DGKB: variants seen among roughly 807,000 people sequenced by gnomAD.
DGKB encodes diacylglycerol kinase beta, also known as 90 kDa diacylglycerol kinase.
DGKB carries 67 observed loss-of-function variants against 114.3 expected under a neutral mutation model. The ratio of observed to expected loss-of-function variants is 0.59; its 90% CI spans 0.48 to 0.72. The LOEUF is 0.72. Among genes scored for constraint, DGKB ranks in the 30% least tolerant of loss-of-function variants. The pLI is 0.00. For synonymous variants in DGKB, 398 were observed against 323.1 expected, an observed-to-expected ratio of 1.23 and a Z score of -2.49; for missense variants, 907 against 975.2, an observed-to-expected ratio of 0.93 and a Z score of 0.93.
intron 20 of DGKB, among the ~76,000 whole-genome samples, chr7:14,565,108 T>C (rs1274941591): frequency 1.3e-5 from 2 of 152,196 alleles, no homozygotes; most frequent in South Asian, 2.1e-4. Flanking sequence ...CTTTGGCTAA[T>C]GACACATTAG....
At chr7:14,248,339 T>C (rs984812827) in intron 23 of DGKB, among the ~76,000 whole-genome samples, 1 of 152,248 alleles carries the variant, frequency 6.6e-6, no homozygotes, top group South Asian at 2.1e-4. Flanking sequence ...TTGGGGTCTT[T>C]TGTTGTTCCA....
At position 14,378,685 on chromosome 7, in the gene DGKB, T is replaced by C. The variant is rs567583400; in HGVS notation, c.1836-33294A>G. The stretch of plus-strand genomic sequence containing the variant: ...GACATCAAATGCCTCAGCCTATATA[T>C]GTTTCTGTGTAAAACACTCAGAATT... On this transcript the variant is annotated intron_variant, in intron 21 of 25. Coordinates refer to ENST00000402815, the MANE Select transcript of DGKB (RefSeq NM_001350709.2). 3.3e-5 allele frequency among the ~76,000 whole-genome samples: 5 copies of C among 152,248 alleles called. No homozygotes were observed. In the South Asian group the frequency reaches 6.2e-4, roughly 19 times the overall value.
At chr7:14,318,340 T>C (rs1807028872) in intron 23 of DGKB, among the ~76,000 whole-genome samples, 1 of 150,958 alleles carries the variant, frequency 6.6e-6, no homozygotes, top group South Asian at 2.1e-4. Context: ...ACCATCAGAG[T>C]GAACAGGCAA....
intron 21 of DGKB, among the ~76,000 whole-genome samples, chr7:14,468,826 C>G (rs1780862310): frequency 6.6e-6 from 1 of 151,806 alleles, no homozygotes; most frequent in Admixed American, 6.6e-5. Flanking sequence ...AATCTTGTTT[C>G]TTTATTTGTT....
At chr7:14,934,007 A>T (rs1043666589) in intron 1 of DGKB, among the ~76,000 whole-genome samples, 1 of 152,166 alleles carries the variant, frequency 6.6e-6, no homozygotes, top group Admixed American at 6.6e-5. Context: ...ACAATCTGTC[A>T]GTGAAAAATT....
intron 21 of DGKB, among the ~76,000 whole-genome samples, chr7:14,392,995 G>GTTTTTCTTTTTTTTTTTTTTTTT: frequency 1.7e-5 from 1 of 60,546 alleles, no homozygotes; most frequent in East Asian, 5.3e-4. Flanking sequence ...TTTTGTTTTT[G>GTTTTTCTTTTTTTTTTTTTTTTT]TTTTTTTTTT....
At chr7:14,595,029 G>C (rs993528098) in intron 17 of DGKB, among the ~76,000 whole-genome samples, 1 of 152,186 alleles carries the variant, frequency 6.6e-6, no homozygotes, top group African/African-American at 2.4e-5. Context: ...ACACAGTTCA[G>C]GTCACTATAA....
chr7:14,562,258 A>C (rs746108400), intron 20 of DGKB, among the ~76,000 whole-genome samples: 26 of 152,354 alleles, frequency 1.7e-4, no homozygotes, highest in Admixed American at 3.3e-4. Context: ...AAACATCTGG[A>C]TATCCAGGAA....
rs530790119 is a variant in DGKB at position 14,847,814 on chromosome 7, T to C, written c.-187-6364A>G. ...CTAACTGACAAAAGTTAAATAATTT[T>C]AAACTTGAATGAAGATTAAAAACAT... is the stretch of plus-strand genomic sequence containing the variant. On this transcript the variant is annotated intron_variant, in intron 1 of 25. Coordinates refer to ENST00000402815, the MANE Select transcript of DGKB (RefSeq NM_001350709.2). Among the ~76,000 whole-genome samples, 26 of 152,314 alleles carry C rather than the reference T, an allele frequency of 1.7e-4. No homozygotes were observed. In the South Asian group the frequency reaches 5.4e-3, roughly 32 times the overall value.
intron 20 of DGKB, among the ~76,000 whole-genome samples, chr7:14,516,926 T>C (rs187917096): frequency 2.0e-5 from 3 of 151,950 alleles, no homozygotes; most frequent in Admixed American, 2.0e-4. Context: ...AAACTAACTA[T>C]GAATTCTTCA....
chr7:14,453,323 C>T (rs946394502), intron 21 of DGKB, among the ~76,000 whole-genome samples: 3 of 152,166 alleles, frequency 2.0e-5, no homozygotes, highest in Admixed American at 6.6e-5. Context: ...CATCCGGTTA[C>T]GTGGTTCTGG....
intron 5 of DGKB, among the ~76,000 whole-genome samples, chr7:14,729,123 C>CTTTTTTTTTTTTTTT (rs1162368398): frequency 8.8e-6 from 1 of 113,418 alleles, no homozygotes; most frequent in African/African-American, 3.6e-5. Flanking sequence ...CATTTTCTTT[C>CTTTTTTTTTTTTTTT]TTTTTTTTTT....
At chr7:14,728,415 G>C (rs761413043) in intron 5 of DGKB, among the ~76,000 whole-genome samples, 1 of 151,982 alleles carries the variant, frequency 6.6e-6, no homozygotes, top group East Asian at 1.9e-4. Context: ...TACCTCTCTC[G>C]CCTCTTCTGC....
chr7:14,262,096 G>C (rs1415346550), intron 23 of DGKB, among the ~76,000 whole-genome samples: 1 of 152,212 alleles, frequency 6.6e-6, no homozygotes, highest in Non-Finnish European at 1.5e-5. Context: ...AAGTAAGGCA[G>C]AGGGGTCCTC....
intron 20 of DGKB, among the ~76,000 whole-genome samples, chr7:14,516,987 T>C (rs1223543455): frequency 6.6e-6 from 1 of 152,068 alleles, no homozygotes; most frequent in African/African-American, 2.4e-5. Flanking sequence ...AAAAAGAACC[T>C]TAATAGTCAA....
At chr7:14,326,926 C>T (rs1301098103) in intron 23 of DGKB, among the ~76,000 whole-genome samples, 2 of 152,234 alleles carry the variant, frequency 1.3e-5, no homozygotes, top group Middle Eastern at 3.4e-3. Flanking sequence ...CACACACATA[C>T]ACTCTCTATT....
chr7:14,158,560 C>T (rs1400086489), intron 25 of DGKB, among the ~76,000 whole-genome samples: 3 of 152,280 alleles, frequency 2.0e-5, no homozygotes, highest in East Asian at 3.9e-4. Flanking sequence ...AGCATCATAG[C>T]ACTGATCTGA....
At chr7:14,694,297 G>C in intron 8 of DGKB, 103 bp from the exon 9 acceptor site, 1 of 1,027,602 alleles carries the variant, frequency 9.7e-7, no homozygotes, top group Non-Finnish European at 1.4e-6. Context: ...GGAGAGTTGG[G>C]ATAACTGTCT....
intron 21 of DGKB, among the ~76,000 whole-genome samples, chr7:14,417,503 C>CT (rs1215161005): frequency 1.3e-5 from 2 of 151,924 alleles, no homozygotes; most frequent in Non-Finnish European, 1.5e-5. Context: ...GAATAATTTT[C>CT]TTTTTTATCT....
Sources: allele counts gnomAD v4.1 joint callset (sites outside exome capture counted in the v4.1 genomes callset), GRCh38; gene constraint gnomAD v4.1.1; transcripts MANE v1.5; gene names NCBI Gene and HGNC (gene_info 2026-07-23, HGNC 2026-07-21).